The following EPHA6 variants were observed in gnomAD, a reference collection of about 807,000 sequenced individuals.
The protein encoded by EPHA6 is EPH receptor A6.
A neutral mutation model predicts 112.0 loss-of-function variants in EPHA6; 50 were observed. The ratio of observed to expected loss-of-function variants is 0.45; its 90% CI spans 0.36 to 0.56. The LOEUF (loss-of-function observed/expected upper bound fraction) is 0.56. EPHA6 is among the 20% of genes least tolerant of loss of function. The pLI is 0.00. For synonymous variants in EPHA6, 529 were observed against 490.7 expected, an observed-to-expected ratio of 1.08 and a Z score of -1.03; for missense variants, 1,280 against 1,417.4, an observed-to-expected ratio of 0.90 and a Z score of 1.56.
At chr3:97,481,337 TG>T (rs2091536945) in intron 9 of EPHA6, 8 of 1,560,292 alleles carry the variant, frequency 5.1e-6, no homozygotes, top group African/African-American at 1.4e-5. Flanking sequence ...ATGTTTCACT[TG>T]TGCAAAATAT....
At chr3:97,608,096 A>G (rs543640887) in intron 12 of EPHA6, among the ~76,000 whole-genome samples, 1 of 151,226 alleles carries the variant, frequency 6.6e-6, no homozygotes, top group South Asian at 2.1e-4. Flanking sequence ...AGTAAAAAAA[A>G]AAAAAATTCC....
chr3:96,941,073 T>G (rs2040913358), intron 2 of EPHA6, among the ~76,000 whole-genome samples: 1 of 152,140 alleles, frequency 6.6e-6, no homozygotes, highest in Non-Finnish European at 1.5e-5. Flanking sequence ...GACAATTATG[T>G]GTCTTGGAGT....
intron 2 of EPHA6, among the ~76,000 whole-genome samples, chr3:96,881,003 G>A (rs2037282657): frequency 6.6e-6 from 1 of 152,100 alleles, no homozygotes; most frequent in South Asian, 2.1e-4. Flanking sequence ...CATTATTTGA[G>A]TTCCTGCTTT....
chr3:97,437,101 A>T, intron 6 of EPHA6, among the ~76,000 whole-genome samples: 1 of 143,928 alleles, frequency 6.9e-6, no homozygotes, highest in African/African-American at 2.6e-5. Context: ...GGTGTATTTT[A>T]TGTGTGGCCC....
chr3:97,237,179 T>A (rs990750710), intron 4 of EPHA6, among the ~76,000 whole-genome samples: 2 of 146,786 alleles, frequency 1.4e-5, no homozygotes, highest in African/African-American at 5.2e-5. Context: ...TTTTTTGTTT[T>A]TGATTTTTTT....
intron 5 of EPHA6, among the ~76,000 whole-genome samples, chr3:97,324,404 C>CTTTTCT (rs1164277422): frequency 1.7e-4 from 15 of 89,816 alleles, no homozygotes; most frequent in Admixed American, 5.6e-4. Context: ...TGCTTTCCTT[C>CTTTTCT]TTTTCTTTCT....
intron 3 of EPHA6, among the ~76,000 whole-genome samples, chr3:97,220,377 A>C (rs1355165466): frequency 3.3e-5 from 5 of 151,806 alleles, no homozygotes; most frequent in African/African-American, 9.7e-5. Flanking sequence ...ACAGTACCCC[A>C]CTCTCTTTGG....
Position 96,926,730 on chromosome 3 carries a change from A to C in EPHA6, c.450+59841A>C, listed in dbSNP as rs2040053606. Among the ~76,000 whole-genome samples the C allele has an allele frequency of 2.6e-5, 4 of 152,334 alleles. No homozygotes were observed. In the South Asian group the frequency reaches 8.3e-4, roughly 32 times the overall value. ...ATGATCTTCTTTGACTTTATGTCTC[A>C]CATCCAGGACATGCTGATGCAAGGG... On this transcript the variant is annotated intron_variant, in intron 2 of 17. Transcript: ENST00000389672.
chr3:97,434,209 A>T (rs1205892796), intron 6 of EPHA6, among the ~76,000 whole-genome samples: 1 of 152,162 alleles, frequency 6.6e-6, no homozygotes, highest in Admixed American at 6.6e-5. Context: ...AAGTAACAGC[A>T]TAGAATTTAG....
chr3:96,986,643 A>G (rs2043032703), intron 2 of EPHA6, among the ~76,000 whole-genome samples: 1 of 152,020 alleles, frequency 6.6e-6, no homozygotes, highest in Non-Finnish European at 1.5e-5. Flanking sequence ...CATATTATTT[A>G]GTTTTATTCA....
At chr3:97,695,847 A>G (rs539096867) in intron 14 of EPHA6, among the ~76,000 whole-genome samples, 79 of 152,312 alleles carry the variant, frequency 5.2e-4, no homozygotes, top group African/African-American at 1.9e-3. Context: ...CCCAGGTGAC[A>G]CTTTATAACG....
intron 3 of EPHA6, among the ~76,000 whole-genome samples, chr3:97,046,887 T>C (rs2045526188): frequency 6.6e-6 from 1 of 152,110 alleles, no homozygotes; most frequent in African/African-American, 2.4e-5. Context: ...AAAACTTCAA[T>C]ACTAAAATGG....
At chr3:97,065,330 A>C (rs1371011064) in intron 3 of EPHA6, among the ~76,000 whole-genome samples, 1 of 152,192 alleles carries the variant, frequency 6.6e-6, no homozygotes, top group Non-Finnish European at 1.5e-5. Flanking sequence ...TGTTCAAAGT[A>C]GAGTCCATGA....
chr3:96,876,559 A>G lies in EPHA6; in HGVS notation c.450+9670A>G, dbSNP rs186534379. On this transcript the variant is annotated intron_variant, in intron 2 of 17. Transcript: ENST00000389672. ...CAATTTATGTCCATGTCACTACTCT[A>G]CTAAACCCCTCCTCTCCTTTCCTAC... 1.2e-3 allele frequency among the ~76,000 whole-genome samples: 181 copies of G among 151,846 alleles called. 2 individuals are homozygous for G. The highest frequency in any genetic ancestry group is 0.011 in the Admixed American group (173 of 15,172).
At chr3:97,425,805 A>G (rs192982515) in intron 6 of EPHA6, among the ~76,000 whole-genome samples, 1 of 152,258 alleles carries the variant, frequency 6.6e-6, no homozygotes, top group East Asian at 1.9e-4. Flanking sequence ...TTTACTGCTT[A>G]GAAATTTCTT....
At chr3:97,472,897 C>G (rs1042657959) in intron 7 of EPHA6, among the ~76,000 whole-genome samples, 1 of 151,580 alleles carries the variant, frequency 6.6e-6, no homozygotes, top group South Asian at 2.1e-4. Flanking sequence ...GCTTGGAGAT[C>G]GGCAAAAAGA....
intron 13 of EPHA6, among the ~76,000 whole-genome samples, chr3:97,622,223 C>T (rs1417469337): frequency 2.6e-5 from 4 of 151,678 alleles, no homozygotes; most frequent in Admixed American, 1.3e-4. Flanking sequence ...TAAACTTTCC[C>T]ACTTCTTTAA....
chr3:97,383,500 C>G (rs1213663958), intron 5 of EPHA6, among the ~76,000 whole-genome samples: 9 of 152,052 alleles, frequency 5.9e-5, no homozygotes, highest in African/African-American at 2.2e-4. Flanking sequence ...TTCAGTTAAT[C>G]AAGTACCAAT....
At chr3:97,320,325 TA>T (rs1459693800) in intron 5 of EPHA6, among the ~76,000 whole-genome samples, 4 of 151,768 alleles carry the variant, frequency 2.6e-5, no homozygotes, top group African/African-American at 9.7e-5. Flanking sequence ...ATGAAAAATT[TA>T]TATGTTTATT....
Sources: gnomAD v4.1 joint callset for allele counts (sites outside exome capture counted in the v4.1 genomes callset) on GRCh38, gnomAD v4.1.1 for gene constraint, MANE v1.5 for transcripts, NCBI Gene and HGNC (gene_info 2026-07-23, HGNC 2026-07-21) for gene names.